The following LRRC3C variants were observed in gnomAD, a reference collection of about 807,000 sequenced individuals.
The protein encoded by LRRC3C is leucine rich repeat containing 3C.
LRRC3C carries 11 observed loss-of-function variants against 14.8 expected under a neutral mutation model. That is an observed-to-expected ratio of 0.74 (90% CI 0.47 to 1.23). The LOEUF (loss-of-function observed/expected upper bound fraction) is 1.23, where lower values mean the gene tolerates loss of function less well. Among genes scored for constraint, LRRC3C ranks in the 50% most tolerant of loss-of-function variants. The pLI is 0.00. For synonymous variants in LRRC3C, 149 were observed against 161.5 expected, an observed-to-expected ratio of 0.92 and a Z score of 0.59; for missense variants, 354 against 361.8, an observed-to-expected ratio of 0.98 and a Z score of 0.18.
At chr17:39,941,421 C>CA in intron 2 of LRRC3C, 22 bp from the exon 3 acceptor site, 1 of 834,332 alleles carries the variant, frequency 1.2e-6, no homozygotes, top group Non-Finnish European at 1.9e-6. Context: ...CCACACACAC[C>CA]CCATTTTTAT....
intron 1 of LRRC3C, among the ~76,000 whole-genome samples, chr17:39,931,162 C>T (rs1366687083): frequency 6.7e-6 from 1 of 149,522 alleles, no homozygotes; most frequent in Non-Finnish European, 1.5e-5. Flanking sequence ...AAAAGTCTTC[C>T]TTGGCTGGGT....
At chr17:39,941,244 G>A (rs967162133) in intron 2 of LRRC3C, among the ~76,000 whole-genome samples, 199 bp from the exon 3 acceptor site, 9 of 151,516 alleles carry the variant, frequency 5.9e-5, no homozygotes, top group Non-Finnish European at 1.2e-4. Flanking sequence ...TCAGCTACTC[G>A]GGAGACTAAG....
At chr17:39,936,057 T>C (rs772806466) in intron 2 of LRRC3C, among the ~76,000 whole-genome samples, 163 bp downstream of exon 2, 2 of 152,146 alleles carry the variant, frequency 1.3e-5, no homozygotes, top group African/African-American at 2.4e-5. Context: ...TGTGGTCACA[T>C]ATTGGGGATA....
rs1048554314 is a variant in LRRC3C at position 39,944,553 on chromosome 17, G to A, written c.647G>A (p.Gly216Glu). 7 of 1,520,688 alleles carry A rather than the reference G, an allele frequency of 4.6e-6. No homozygotes were observed. In the Admixed American group the frequency reaches 1.0e-4, roughly 22 times the overall value. 94.2% of individuals were successfully genotyped at this position (1,520,688 alleles called of 1,614,324 possible). ...GAGCTGTGTGGGTCGGGGTGGGGTGGGGCCCGGAGGAGCACCGATGTGGCC... is the reference window on the plus strand; with the variant it reads ...GAGCTGTGTGGGTCGGGGTGGGGTGAGGCCCGGAGGAGCACCGATGTGGCC... ...EEELCGSGWG[G>E]ARRSTDVALL... is the part of the protein sequence containing the mutation. Residue 216 changes from glycine to glutamate, a missense_variant, in exon 4 of 4, where the codon GGG becomes GAG. Transcript: ENST00000377924.
intron 2 of LRRC3C, among the ~76,000 whole-genome samples, chr17:39,937,999 G>A (rs1205914317): frequency 6.6e-6 from 1 of 152,068 alleles, no homozygotes; most frequent in Non-Finnish European, 1.5e-5. Flanking sequence ...GGGCATAGTG[G>A]CGTGTGCCTG....
At chr17:39,936,541 G>A (rs1301561381) in intron 2 of LRRC3C, among the ~76,000 whole-genome samples, 3 of 151,702 alleles carry the variant, frequency 2.0e-5, no homozygotes, top group East Asian at 3.9e-4. Flanking sequence ...GGTGGCTCAC[G>A]CTTGTAATCC....
intron 1 of LRRC3C, among the ~76,000 whole-genome samples, chr17:39,933,954 A>T (rs981187543): frequency 2.0e-5 from 3 of 152,206 alleles, no homozygotes; most frequent in African/African-American, 7.2e-5. Flanking sequence ...TGTGGTGGGA[A>T]GAAGGAGGGG....
chr17:39,940,647 A>G (rs1978913657), intron 2 of LRRC3C, among the ~76,000 whole-genome samples: 1 of 150,720 alleles, frequency 6.6e-6, no homozygotes, highest in East Asian at 2.0e-4. Flanking sequence ...ACGAGGTTTC[A>G]CTATGTTGCA....
Position 39,944,800 on chromosome 17 carries a change from C to G in LRRC3C, c.*66C>G, listed in dbSNP as rs1195113010. ...CCCTATGCCCTCTCCTTTGCTCTGA[C>G]CCCCTCTGCCTCCTGTGCAGCTTCA... is the stretch of plus-strand genomic sequence containing the variant. On this transcript the variant is annotated 3_prime_UTR_variant, in exon 4 of 4. Transcript: ENST00000377924. 3 of 1,428,088 alleles carry G rather than the reference C, an allele frequency of 2.1e-6. No homozygotes were observed. Among genetic ancestry groups the G allele is most frequent in the Non-Finnish European group, 2.8e-6 (3 of 1,058,070 alleles). The allele number at this position is 1,428,088 out of a possible 1,614,324, so 88.5% of individuals were successfully genotyped here. A position where few individuals can be genotyped will look rare whatever the true frequency, so the allele number is the denominator to read the frequency against.
rs186324493 is a variant in LRRC3C, at chr17:39,944,092, G to A, written c.186G>A (p.Thr62=). 3.6e-4 allele frequency: 552 copies of A among 1,536,100 alleles called. No homozygotes were observed. Among genetic ancestry groups the A allele is most frequent in the Admixed American group, 5.1e-4 (26 of 50,998 alleles). The part of the protein sequence containing the change: ...CYVAKEAGER[T]FRCSQAGLSA... ...TGGCAAAGGAAGCAGGTGAACGGAC[G>A]TTCCGCTGCAGCCAGGCAGGCCTCA... Residue 62 remains threonine, a synonymous_variant, in exon 4 of 4, where the codon ACG becomes ACA. Coordinates refer to ENST00000377924, the MANE Select transcript of LRRC3C (RefSeq NM_001195545.2).
chr17:39,942,950 G>C (rs1390991660), intron 3 of LRRC3C, among the ~76,000 whole-genome samples: 1 of 152,206 alleles, frequency 6.6e-6, no homozygotes, highest in Admixed American at 6.5e-5. Context: ...AGGAGTTCTG[G>C]GAAGCAGTTT....
At chr17:39,933,052 C>CA (rs745488702) in intron 1 of LRRC3C, among the ~76,000 whole-genome samples, 41 of 130,252 alleles carry the variant, frequency 3.1e-4, no homozygotes, top group Non-Finnish European at 5.9e-4. Context: ...AACTTTGTCT[C>CA]AAAAAATAAA....
chr17:39,941,510 CAG>C lies in LRRC3C; in HGVS notation c.-12_-11del. ...AAAATCCAGCAAGAAAAATCCTTCT[CAG>C]AAAGGTCTCCAATGCGTATGACCTC... On this transcript the variant is annotated 5_prime_UTR_variant, in exon 3 of 4. Transcript: ENST00000377924. The C allele has an allele frequency of 6.5e-7, 1 of 1,535,662 alleles. No individual in the cohort carries two copies.
chr17:39,931,805 C>G (rs1978658827), intron 1 of LRRC3C, among the ~76,000 whole-genome samples: 1 of 151,772 alleles, frequency 6.6e-6, no homozygotes, highest in East Asian at 2.0e-4. Flanking sequence ...TGCACGCCAC[C>G]ACATCCAGGT....
intron 1 of LRRC3C, chr17:39,929,504 T>G (rs1978588955): frequency 6.6e-6 from 1 of 152,172 alleles, no homozygotes; most frequent in Non-Finnish European, 1.5e-5. Context: ...CCCTCATAAT[T>G]ATCATATCTT....
At chr17:39,936,782 A>G (rs1016581486) in intron 2 of LRRC3C, among the ~76,000 whole-genome samples, 6 of 151,576 alleles carry the variant, frequency 4.0e-5, no homozygotes, top group Non-Finnish European at 7.4e-5. Flanking sequence ...CCACCACTGC[A>G]CTCCAGGCTG....
chr17:39,944,218 C>G lies in LRRC3C; in HGVS notation c.312C>G (p.Val104=). Residue 104 remains valine (V), a synonymous_variant, in exon 4 of 4, where the codon GTC becomes GTG. Coordinates refer to ENST00000377924, the MANE Select transcript of LRRC3C (RefSeq NM_001195545.2). ...CTGGTGCCTTCCAGCACCTGCCTGTCCTGGAGGAGTTGGATCTGTCCCATA... is the reference window on the plus strand; with the variant it reads ...CTGGTGCCTTCCAGCACCTGCCTGTGCTGGAGGAGTTGGATCTGTCCCATA... ...VPAGAFQHLP[V]LEELDLSHNA... is the part of the protein sequence containing the mutation. The G allele has an allele frequency of 6.5e-7, 1 of 1,535,916 alleles. No homozygotes were observed. The highest frequency in any genetic ancestry group is 8.7e-7 in the Non-Finnish European group (1 of 1,146,832).
intron 1 of LRRC3C, among the ~76,000 whole-genome samples, chr17:39,928,371 G>C (rs1978548004): frequency 6.6e-6 from 1 of 152,212 alleles, no homozygotes; most frequent in African/African-American, 2.4e-5. Flanking sequence ...GGTAGACATG[G>C]GGTAGGCCCT....
At chr17:39,943,842 T>A in intron 3 of LRRC3C, 91 bp from the exon 4 acceptor site, 1 of 1,311,430 alleles carries the variant, frequency 7.6e-7, no homozygotes, top group Non-Finnish European at 1.0e-6. Flanking sequence ...CCAAAAAGAC[T>A]CCCCAGAGGG....
Sources: gnomAD v4.1 joint callset for allele counts (sites outside exome capture counted in the v4.1 genomes callset) on GRCh38, gnomAD v4.1.1 for gene constraint, MANE v1.5 for transcripts, NCBI Gene and HGNC (gene_info 2026-07-23, HGNC 2026-07-21) for gene names.